TENM1: variants seen among roughly 807,000 people sequenced by gnomAD.
The protein encoded by TENM1 is teneurin-1.
In TENM1, 35 loss-of-function variants were observed where a neutral mutation model predicts 174.8. The observed-to-expected ratio is 0.20, with a 90% confidence interval of 0.15 to 0.27. The LOEUF is 0.27. Among genes scored for constraint, TENM1 ranks in the 10% least tolerant of loss-of-function variants. The pLI, the probability that TENM1 is intolerant of heterozygous loss-of-function variation, is 1.00. For synonymous variants in TENM1, 781 were observed against 798.7 expected, an observed-to-expected ratio of 0.98 and a Z score of 0.37; for missense variants, 1,633 against 2,130.1, an observed-to-expected ratio of 0.77 and a Z score of 4.59.
intron 3 of TENM1, among the ~76,000 whole-genome samples, chrX:124,781,260 T>C (rs1270311054): frequency 1.8e-5 from 2 of 111,896 alleles, no homozygotes; most frequent in Non-Finnish European, 3.8e-5. Context: ...GTTTGTTAAA[T>C]GAAAGAATAA....
intron 1 of TENM1, among the ~76,000 whole-genome samples, chrX:124,950,212 A>C (rs2058462421): frequency 8.9e-6 from 1 of 112,104 alleles, no homozygotes; most frequent in African/African-American, 3.2e-5. Context: ...ATTTGAACCC[A>C]AATTGCTATT....
At chrX:124,737,142 A>T in exon 4 of TENM1, 1 of 1,207,406 alleles carries the variant, frequency 8.3e-7, no homozygotes. Flanking sequence ...GAGGAGGCGG[A>T]GGTGGCGGTG....
At chrX:124,898,160 C>T (rs2057594823) in intron 1 of TENM1, among the ~76,000 whole-genome samples, 1 of 111,366 alleles carries the variant, frequency 9.0e-6, no homozygotes, top group Non-Finnish European at 1.9e-5. Context: ...ATTGCTGCAC[C>T]CCACTCCCAT....
intron 1 of TENM1, among the ~76,000 whole-genome samples, chrX:124,903,989 G>C (rs1270073767): frequency 9.0e-6 from 1 of 111,167 alleles, no homozygotes; most frequent in African/African-American, 3.3e-5. Context: ...GCCCATTGTG[G>C]TCTTCCAGGT....
chrX:124,385,970 C>T lies in TENM1; in HGVS notation c.5783G>A (p.Arg1928His), dbSNP rs770215851. 2.2e-5 allele frequency: 27 copies of T among 1,207,255 alleles called. No homozygotes were observed. Among genetic ancestry groups the T allele is most frequent in the Middle Eastern group, 4.6e-4 (2 of 4,349 alleles). Residue 1928 changes from arginine to histidine, a missense_variant, in exon 29 of 32, where the codon CGT (arginine) becomes CAT (histidine). By Grantham distance (29) the Arg-to-His change is conservative. This residue lies in a region of TENM1 where 807 missense variants were observed against 1,125.3 expected (regional missense o/e 0.72). Coordinates refer to ENST00000422452, the Ensembl canonical transcript of TENM1. ...TGAAAGCATGGTTTGTAAGCTGTGACGCACCATGCTAGGCATGGTGACTGA... is the reference window on the plus strand; with the variant it reads ...TGAAAGCATGGTTTGTAAGCTGTGATGCACCATGCTAGGCATGGTGACTGA...
chrX:124,760,687 A>T (rs747959641), intron 3 of TENM1, among the ~76,000 whole-genome samples: 2 of 112,051 alleles, frequency 1.8e-5, no homozygotes, highest in African/African-American at 6.5e-5. Context: ...AAGCCAAAAT[A>T]GACAAATGGG....
chrX:125,146,399 C>T, the TENM1 span, among the ~76,000 whole-genome samples: 1 of 111,405 alleles, frequency 9.0e-6, no homozygotes, highest in African/African-American at 3.3e-5. Context: ...TTGGTCATTT[C>T]CTCCTTCAGG....
At chrX:124,497,320 A>G in intron 19 of TENM1, 55 bp from the exon 23 acceptor site, 1 of 1,112,373 alleles carries the variant, frequency 9.0e-7, no homozygotes. Flanking sequence ...CCACAAAATA[A>G]TCTCAGCAAT....
chrX:124,802,200 G>A (rs1223805077), intron 3 of TENM1, among the ~76,000 whole-genome samples: 1 of 111,536 alleles, frequency 9.0e-6, no homozygotes, highest in East Asian at 2.8e-4. Context: ...TGGCCTTTTG[G>A]GTTTTCAACT....
chrX:124,957,189 G>A (rs148779602), intron 1 of TENM1, among the ~76,000 whole-genome samples: 208 of 102,570 alleles, frequency 2.0e-3, no homozygotes, highest in African/African-American at 7.5e-3. Flanking sequence ...ACAAATGGAC[G>A]GATGGATAGA....
chrX:125,011,320 A>G, the TENM1 span, among the ~76,000 whole-genome samples: 1 of 112,347 alleles, frequency 8.9e-6, no homozygotes, highest in African/African-American at 3.2e-5. Context: ...AACAAAAGCC[A>G]AAATTGACAA....
chrX:124,600,386 T>C (rs1277997332), intron 11 of TENM1, among the ~76,000 whole-genome samples: 1 of 111,897 alleles, frequency 8.9e-6, no homozygotes, highest in Non-Finnish European at 1.9e-5. Context: ...CAAGAAACTA[T>C]AATTCATTGA....
chrX:125,033,800 C>A, the TENM1 span, among the ~76,000 whole-genome samples: 1 of 110,964 alleles, frequency 9.0e-6, no homozygotes, highest in South Asian at 3.8e-4. Flanking sequence ...CTTTGCTCAT[C>A]TACACAATAT....
intron 1 of TENM1, among the ~76,000 whole-genome samples, chrX:124,911,586 A>C (rs1170810590): frequency 8.9e-6 from 1 of 112,052 alleles, no homozygotes; most frequent in Non-Finnish European, 1.9e-5. Context: ...GGATAAGAGC[A>C]TTTCTAGCAC....
chrX:124,896,299 A>T (rs2057561670), intron 1 of TENM1, 58 bp from the exon 5 acceptor site: 16 of 1,139,464 alleles, frequency 1.4e-5, no homozygotes, highest in African/African-American at 3.6e-5. Flanking sequence ...TCCCCCAGAA[A>T]ATTCTACTTT....
the TENM1 span, among the ~76,000 whole-genome samples, chrX:124,973,759 G>T: frequency 0.14 from 15,672 of 111,160 alleles, 1,067 homozygotes; most frequent in Non-Finnish European, 0.21. Flanking sequence ...ATCCTGAGAC[G>T]TTGCTGAAGT....
chrX:124,635,665 A>C (rs1332991731), intron 11 of TENM1, among the ~76,000 whole-genome samples: 2 of 112,500 alleles, frequency 1.8e-5, no homozygotes, highest in Non-Finnish European at 3.8e-5. Context: ...AGAGTAGTAC[A>C]AAGTTCTAAA....
intron 22 of TENM1, among the ~76,000 whole-genome samples, chrX:124,473,808 C>T (rs186301004): frequency 9.0e-6 from 1 of 111,659 alleles, no homozygotes; most frequent in African/African-American, 3.2e-5. Context: ...TTCCCTGCAC[C>T]ACATACTAAG....
At chrX:125,039,556 T>TA in the TENM1 span, among the ~76,000 whole-genome samples, 728 of 110,449 alleles carry the variant, frequency 6.6e-3, 5 homozygotes, top group African/African-American at 0.021. Context: ...TCTAATGAAT[T>TA]AAAAAAAAGA....
Sources: allele counts gnomAD v4.1 joint callset (sites outside exome capture counted in the v4.1 genomes callset), GRCh38; gene constraint gnomAD v4.1.1; regional missense constraint gnomAD v4.1.1; transcripts MANE v1.5; gene names NCBI Gene and HGNC (gene_info 2026-07-23, HGNC 2026-07-21).